MSRA: variants seen among roughly 807,000 people sequenced by gnomAD.
The protein encoded by MSRA is mitochondrial peptide methionine sulfoxide reductase.
A neutral mutation model predicts 31.3 loss-of-function variants in MSRA; 54 were observed. The observed-to-expected ratio is 1.73, with a 90% CI of 1.39 to 2.17. The LOEUF (loss-of-function observed/expected upper bound fraction) is 2.17. Among genes scored for constraint, MSRA ranks in the 30% most tolerant of loss-of-function variants. MSRA has a pLI of 0.00. For synonymous variants in MSRA, 169 were observed against 116.5 expected (o/e 1.45, Z -2.90); for missense variants, 507 against 300.9 (o/e 1.69, Z -5.07).
chr8:10,392,331 TAGA>T (rs1476311456), intron 5 of MSRA, among the ~76,000 whole-genome samples: 1 of 152,178 alleles, frequency 6.6e-6, no homozygotes, highest in African/African-American at 2.4e-5. Context: ...TCGTGATGGC[TAGA>T]AGGAGTCATA....
chr8:10,108,151 C>A (rs1170598014), intron 1 of MSRA, among the ~76,000 whole-genome samples: 1 of 152,188 alleles, frequency 6.6e-6, no homozygotes, highest in Non-Finnish European at 1.5e-5. Context: ...CTCCTTTACA[C>A]CCCCGTTCTC....
chr8:10,172,039 A>G (rs74822012), intron 1 of MSRA, among the ~76,000 whole-genome samples: 6,906 of 152,300 alleles, frequency 0.045, 196 homozygotes, highest in South Asian at 0.077. Flanking sequence ...AACAAGACAT[A>G]GAAACTAATA....
intron 4 of MSRA, among the ~76,000 whole-genome samples, chr8:10,315,393 G>C (rs1253701947): frequency 6.6e-6 from 1 of 152,224 alleles, no homozygotes; most frequent in Non-Finnish European, 1.5e-5. Context: ...AGACTCTCAA[G>C]GGTACTTGGC....
At chr8:10,090,115 G>A (rs1041669371) in intron 1 of MSRA, among the ~76,000 whole-genome samples, 12 of 152,208 alleles carry the variant, frequency 7.9e-5, no homozygotes, top group African/African-American at 2.9e-4. Context: ...CACATGGAGA[G>A]CAAAATGAGT....
intron 3 of MSRA, among the ~76,000 whole-genome samples, chr8:10,280,965 C>T (rs554539103): frequency 5.9e-5 from 9 of 152,254 alleles, no homozygotes; most frequent in Middle Eastern, 3.4e-3. Context: ...GCTGTAGAGA[C>T]AGAAATAAGA....
chr8:10,211,416 T>C (rs1039054276), intron 2 of MSRA, among the ~76,000 whole-genome samples: 4 of 152,302 alleles, frequency 2.6e-5, no homozygotes, highest in Admixed American at 6.5e-5. Flanking sequence ...CTCTGCCCTT[T>C]TGGACAATGA....
At chr8:10,156,888 C>G (rs1804200607) in intron 1 of MSRA, among the ~76,000 whole-genome samples, 1 of 146,266 alleles carries the variant, frequency 6.8e-6, no homozygotes, top group African/African-American at 2.5e-5. Flanking sequence ...AATAGACTTT[C>G]CATGGTAAGT....
chr8:10,177,946 C>G (rs1806199388), intron 1 of MSRA, among the ~76,000 whole-genome samples: 1 of 152,190 alleles, frequency 6.6e-6, no homozygotes, highest in Non-Finnish European at 1.5e-5. Context: ...AAAGTGACTT[C>G]ACTAGAATTA....
intron 5 of MSRA, among the ~76,000 whole-genome samples, chr8:10,369,698 TG>T (rs1805371965): frequency 6.6e-6 from 1 of 152,226 alleles, no homozygotes; most frequent in Admixed American, 6.5e-5. Flanking sequence ...GGATAGGTAA[TG>T]TTCATTAATA....
chr8:10,171,782 G>A (rs1805610598), intron 1 of MSRA, among the ~76,000 whole-genome samples: 1 of 152,210 alleles, frequency 6.6e-6, no homozygotes, highest in South Asian at 2.1e-4. Context: ...TTTGTACAAA[G>A]TATCAGTCAT....
intron 5 of MSRA, among the ~76,000 whole-genome samples, chr8:10,404,135 T>C (rs975363563): frequency 6.6e-6 from 1 of 152,146 alleles, no homozygotes; most frequent in Non-Finnish European, 1.5e-5. Context: ...GCCCTCCGCA[T>C]GTCACAATGC....
chr8:10,351,622 T>C (rs1351866043), intron 5 of MSRA, among the ~76,000 whole-genome samples: 3 of 152,248 alleles, frequency 2.0e-5, no homozygotes, highest in African/African-American at 7.2e-5. Context: ...CTGGTACTTA[T>C]AAAATATCTT....
Position 10,281,893 on chromosome 8 carries a change from A to AT in MSRA, c.332-19634dup, listed in dbSNP as rs200862065. On this transcript the variant is annotated intron_variant, in intron 3 of 5. Transcript: ENST00000317173. ...GCTTCTTAGCCACGTTTCTAATTATATTTTTTTCCCTGCTTTTTAGATAAA... is the reference window on the plus strand; with the variant it reads ...GCTTCTTAGCCACGTTTCTAATTATATTTTTTTTCCCTGCTTTTTAGATAAA... 2.6e-5 allele frequency among the ~76,000 whole-genome samples: 4 copies of AT among 152,140 alleles called. No individual in the cohort carries two copies. In the East Asian group the frequency reaches 7.7e-4, roughly 29 times the overall value.
At chr8:10,405,903 G>C (rs991547260) in intron 5 of MSRA, among the ~76,000 whole-genome samples, 6 of 152,196 alleles carry the variant, frequency 3.9e-5, no homozygotes, top group African/African-American at 1.4e-4. Flanking sequence ...CATACACGCT[G>C]TACTCACAGT....
At chr8:10,424,435 G>C (rs1332921629) in intron 5 of MSRA, among the ~76,000 whole-genome samples, 1 of 150,910 alleles carries the variant, frequency 6.6e-6, no homozygotes, top group Non-Finnish European at 1.5e-5. Context: ...AGAAGGGCCT[G>C]GGGTGGAGCA....
chr8:10,145,023 C>T (rs777016764), intron 1 of MSRA, among the ~76,000 whole-genome samples: 3 of 152,178 alleles, frequency 2.0e-5, no homozygotes, highest in Admixed American at 2.0e-4. Context: ...CTTTTCCTTT[C>T]AGACAATAAA....
intron 2 of MSRA, among the ~76,000 whole-genome samples, chr8:10,208,311 C>T (rs974603759): frequency 1.3e-5 from 2 of 151,836 alleles, no homozygotes; most frequent in Admixed American, 6.6e-5. Context: ...TGAATGATCT[C>T]TTCCTTCTCC....
intron 1 of MSRA, among the ~76,000 whole-genome samples, chr8:10,194,787 T>C (rs886471916): frequency 1.3e-5 from 2 of 152,166 alleles, no homozygotes; most frequent in African/African-American, 2.4e-5. Flanking sequence ...CAGGGGCTGC[T>C]TACCTGCAGC....
At chr8:10,055,697 G>C (rs1395826929) in intron 1 of MSRA, among the ~76,000 whole-genome samples, 6 of 152,234 alleles carry the variant, frequency 3.9e-5, no homozygotes, top group African/African-American at 1.4e-4. Flanking sequence ...GAGAAATTCA[G>C]CATTTAAAAA....
Sources: allele counts gnomAD v4.1 joint callset (sites outside exome capture counted in the v4.1 genomes callset), GRCh38; gene constraint gnomAD v4.1.1; transcripts MANE v1.5; gene names NCBI Gene and HGNC (gene_info 2026-07-23, HGNC 2026-07-21).